The following DCLK1 variants were observed in gnomAD, a reference collection of about 807,000 sequenced individuals.
DCLK1 encodes the protein serine/threonine-protein kinase DCLK1.
In DCLK1, 16 loss-of-function variants were observed where a neutral mutation model predicts 86.2. The ratio of observed to expected loss-of-function variants is 0.19; its 90% CI spans 0.13 to 0.28. DCLK1 has a LOEUF of 0.28. Ranked by LOEUF, DCLK1 falls within the 10% of genes least tolerant of loss-of-function variation. The pLI, the probability that DCLK1 is intolerant of heterozygous loss-of-function variation, is 1.00. For synonymous variants in DCLK1, 369 were observed against 370.5 expected, an observed-to-expected ratio of 1.00 and a Z score of 0.05; for missense variants, 590 against 940.2, an observed-to-expected ratio of 0.63 and a Z score of 4.87.
intron 6 of DCLK1, chr13:35,849,412 T>C: frequency 4.1e-6 from 4 of 985,318 alleles, no homozygotes; most frequent in Non-Finnish European, 4.8e-6. Context: ...TTTTAATTTA[T>C]CACCTACTGA....
intron 5 of DCLK1, 40 bp downstream of exon 5, chr13:35,871,184 G>A (rs751410523): frequency 3.2e-6 from 5 of 1,548,810 alleles, no homozygotes; most frequent in Non-Finnish European, 1.8e-6. Context: ...CCTGTGTCAG[G>A]AACAAGGCAA....
intron 3 of DCLK1, among the ~76,000 whole-genome samples, chr13:35,948,853 A>C (rs1400538074): frequency 2.6e-5 from 4 of 152,182 alleles, no homozygotes; most frequent in Non-Finnish European, 5.9e-5. Flanking sequence ...GCTTCAAGAG[A>C]GATGTCAGAA....
intron 3 of DCLK1, among the ~76,000 whole-genome samples, chr13:36,013,187 C>T (rs1881362036): frequency 6.6e-6 from 1 of 150,778 alleles, no homozygotes; most frequent in Non-Finnish European, 1.5e-5. Context: ...CCTCCCGTAG[C>T]TCAGAGTAAT....
intron 3 of DCLK1, among the ~76,000 whole-genome samples, chr13:36,082,337 TTATTA>T (rs1243809727): frequency 6.6e-6 from 1 of 152,200 alleles, no homozygotes; most frequent in Admixed American, 6.5e-5. Flanking sequence ...CTAGCTTACT[TTATTA>T]TAAGAATACA....
At chr13:36,097,950 T>C (rs756103104) in intron 3 of DCLK1, among the ~76,000 whole-genome samples, 7 of 152,234 alleles carry the variant, frequency 4.6e-5, no homozygotes, top group Non-Finnish European at 1.0e-4. Flanking sequence ...TCAGTCTGCC[T>C]TGACCAGGTA....
At chr13:35,897,691 G>A (rs1367271869) in intron 4 of DCLK1, among the ~76,000 whole-genome samples, 1 of 152,176 alleles carries the variant, frequency 6.6e-6, no homozygotes, top group Non-Finnish European at 1.5e-5. Context: ...TGGTTGGGTA[G>A]AGGTCAAGTC....
intron 3 of DCLK1, among the ~76,000 whole-genome samples, chr13:35,966,785 C>T (rs974748554): frequency 3.3e-5 from 5 of 152,068 alleles, no homozygotes; most frequent in Admixed American, 6.5e-5. Context: ...GGATTGCAGA[C>T]GGAGTCTCGC....
chr13:35,841,918 C>T (rs1593650593), intron 6 of DCLK1, among the ~76,000 whole-genome samples: 1 of 152,034 alleles, frequency 6.6e-6, no homozygotes, highest in Non-Finnish European at 1.5e-5. Flanking sequence ...GCCCCACTTC[C>T]ATTCAGAGAC....
intron 2 of DCLK1, among the ~76,000 whole-genome samples, chr13:36,120,111 T>C (rs949228421): frequency 2.0e-5 from 3 of 152,188 alleles, no homozygotes; most frequent in African/African-American, 7.2e-5. Flanking sequence ...AAATATTTTT[T>C]AAGTGAAAAC....
intron 3 of DCLK1, among the ~76,000 whole-genome samples, chr13:36,089,527 C>T (rs545625877): frequency 2.0e-4 from 30 of 152,314 alleles, no homozygotes; most frequent in East Asian, 7.7e-4. Flanking sequence ...ACAGGAACTC[C>T]GGGTTGTCCA....
intron 16 of DCLK1, among the ~76,000 whole-genome samples, chr13:35,786,306 C>T (rs1040744817): frequency 1.3e-5 from 2 of 152,166 alleles, no homozygotes; most frequent in African/African-American, 4.8e-5. Context: ...CAAATATGCA[C>T]AACTATAATT....
chr13:35,854,396 T>A, intron 6 of DCLK1, 103 bp downstream of exon 6: 1 of 864,698 alleles, frequency 1.2e-6, no homozygotes, highest in Non-Finnish European at 1.6e-6. Context: ...CTGTTCTAGC[T>A]TAGATATCGC....
At chr13:35,849,334 T>C in intron 6 of DCLK1, 1 of 985,082 alleles carries the variant, frequency 1.0e-6, no homozygotes, top group Non-Finnish European at 1.2e-6. Context: ...ATAAAACATT[T>C]AAAAATTGTT....
intron 4 of DCLK1, among the ~76,000 whole-genome samples, chr13:35,933,947 T>C (rs553356912): frequency 5.5e-4 from 84 of 152,340 alleles, no homozygotes; most frequent in Admixed American, 3.2e-3. Context: ...ACTTTTATGC[T>C]CTGTTTCCCT....
intron 3 of DCLK1, among the ~76,000 whole-genome samples, chr13:36,007,023 C>A (rs1881004463): frequency 6.6e-6 from 1 of 152,134 alleles, no homozygotes; most frequent in African/African-American, 2.4e-5. Context: ...GAAAAGTTTA[C>A]ACAAAGAAAT....
chr13:35,798,041 G>A, intron 15 of DCLK1, among the ~76,000 whole-genome samples: 1 of 152,184 alleles, frequency 6.6e-6, no homozygotes, highest in Non-Finnish European at 1.5e-5. Flanking sequence ...GACACAGGCT[G>A]GTTGTGGTTT....
intron 3 of DCLK1, among the ~76,000 whole-genome samples, chr13:36,078,995 G>C (rs1456231107): frequency 2.0e-5 from 3 of 152,122 alleles, no homozygotes; most frequent in Non-Finnish European, 2.9e-5. Flanking sequence ...CTGCAGTCAG[G>C]GAGAGAAAAT....
intron 3 of DCLK1, among the ~76,000 whole-genome samples, chr13:36,094,250 C>G (rs1232102725): frequency 1.3e-5 from 2 of 152,110 alleles, no homozygotes; most frequent in Non-Finnish European, 2.9e-5. Context: ...ATTCAATTAT[C>G]ATTGTATTTT....
At chr13:35,982,866 A>G (rs1879729296) in intron 3 of DCLK1, among the ~76,000 whole-genome samples, 1 of 151,984 alleles carries the variant, frequency 6.6e-6, no homozygotes, top group Admixed American at 6.6e-5. Context: ...GGTTCAAGCC[A>G]TTCTCCTGCC....
Sources: gnomAD v4.1 joint callset for allele counts (sites outside exome capture counted in the v4.1 genomes callset) on GRCh38, gnomAD v4.1.1 for gene constraint, MANE v1.5 for transcripts, NCBI Gene and HGNC (gene_info 2026-07-23, HGNC 2026-07-21) for gene names.